Variants in AUH observed in about 807,000 individuals in gnomAD.
AUH encodes the protein methylglutaconyl-CoA hydratase, mitochondrial.
In AUH, 29 loss-of-function variants were observed where a neutral mutation model predicts 42.3. The ratio of observed to expected loss-of-function variants is 0.69; its 90% CI spans 0.51 to 0.93. The LOEUF (loss-of-function observed/expected upper bound fraction) is 0.93. AUH is among the 40% of genes least tolerant of loss of function. The pLI, the probability that AUH is intolerant of heterozygous loss-of-function variation, is 0.00. For synonymous variants in AUH, 174 were observed against 166.4 expected (o/e 1.05, Z -0.35); for missense variants, 452 against 438.1 (o/e 1.03, Z -0.28).
chr9:91,307,645 A>T (rs569781547), intron 4 of AUH, among the ~76,000 whole-genome samples: 1 of 152,348 alleles, frequency 6.6e-6, no homozygotes, highest in South Asian at 2.1e-4. Context: ...CTATATTCAT[A>T]TGACTTTTAT....
chr9:91,256,222 T>C (rs1237843833), intron 6 of AUH, among the ~76,000 whole-genome samples: 1 of 152,212 alleles, frequency 6.6e-6, no homozygotes, highest in Non-Finnish European at 1.5e-5. Flanking sequence ...TAACACTTCA[T>C]GAAATCTGTC....
At chr9:91,245,903 T>C (rs1828767282) in intron 6 of AUH, among the ~76,000 whole-genome samples, 1 of 152,064 alleles carries the variant, frequency 6.6e-6, no homozygotes, top group Admixed American at 6.5e-5. Context: ...CCTTCTTGTC[T>C]AAAGCTGGCA....
chr9:91,346,493 T>G (rs1418075572), intron 3 of AUH, among the ~76,000 whole-genome samples: 1 of 152,162 alleles, frequency 6.6e-6, no homozygotes, highest in Non-Finnish European at 1.5e-5. Context: ...CTCAGTTTTC[T>G]CTTTTATAAT....
intron 6 of AUH, among the ~76,000 whole-genome samples, chr9:91,253,165 A>G (rs1165759026): frequency 2.0e-5 from 3 of 152,236 alleles, no homozygotes; most frequent in African/African-American, 7.2e-5. Flanking sequence ...CTCGGACTAC[A>G]TGACAAATTA....
chr9:91,351,764 C>T (rs1832008135), intron 3 of AUH, among the ~76,000 whole-genome samples: 1 of 152,202 alleles, frequency 6.6e-6, no homozygotes. Context: ...AGGTTGCACG[C>T]TCCTTATGAG....
intron 4 of AUH, among the ~76,000 whole-genome samples, chr9:91,312,246 G>A (rs1042168628): frequency 6.6e-6 from 1 of 152,056 alleles, no homozygotes; most frequent in African/African-American, 2.4e-5. Context: ...AGGAAATCAC[G>A]GTTGCCAAAG....
intron 6 of AUH, among the ~76,000 whole-genome samples, chr9:91,227,577 T>C (rs2131265914): frequency 8.0e-6 from 1 of 124,648 alleles, no homozygotes; most frequent in South Asian, 3.1e-4. Context: ...TGGCCAGAAC[T>C]TCCAACACTA....
At chr9:91,299,435 C>G (rs1288582980) in intron 4 of AUH, among the ~76,000 whole-genome samples, 2 of 152,158 alleles carry the variant, frequency 1.3e-5, no homozygotes, top group Non-Finnish European at 1.5e-5. Flanking sequence ...ATATACACAG[C>G]TGCCGCCTGA....
chr9:91,220,009 C>T (rs958347326), intron 7 of AUH, among the ~76,000 whole-genome samples: 1 of 152,198 alleles, frequency 6.6e-6, no homozygotes, highest in African/African-American at 2.4e-5. Context: ...TATAAAACTT[C>T]AAACTCCACT....
chr9:91,252,821 C>A (rs1390483799), intron 6 of AUH, among the ~76,000 whole-genome samples: 1 of 152,150 alleles, frequency 6.6e-6, no homozygotes, highest in African/African-American at 2.4e-5. Context: ...CATGGAGGTA[C>A]CAAAACAATC....
At chr9:91,319,501 G>A (rs1406575011) in intron 4 of AUH, among the ~76,000 whole-genome samples, 1 of 152,210 alleles carries the variant, frequency 6.6e-6, no homozygotes, top group Non-Finnish European at 1.5e-5. Flanking sequence ...CAACACCAGA[G>A]AAAGGCAGTC....
intron 6 of AUH, among the ~76,000 whole-genome samples, chr9:91,253,985 T>C (rs571895779): frequency 6.6e-6 from 1 of 152,062 alleles, no homozygotes; most frequent in Non-Finnish European, 1.5e-5. Flanking sequence ...AATAATTACA[T>C]TTCCAACTAA....
At chr9:91,223,245 G>A (rs75414146) in intron 6 of AUH, among the ~76,000 whole-genome samples, 3,782 of 152,242 alleles carry the variant, frequency 0.025, 74 homozygotes, top group East Asian at 0.057. Context: ...CACTAACACT[G>A]CATCCAGGAC....
chr9:91,343,633 G>A (rs1182218046), intron 3 of AUH, among the ~76,000 whole-genome samples: 1 of 152,130 alleles, frequency 6.6e-6, no homozygotes, highest in Non-Finnish European at 1.5e-5. Flanking sequence ...GTGTGGTGGT[G>A]CATGCCTGTA....
At chr9:91,217,878 T>TTGTA (rs1249630147) in intron 7 of AUH, among the ~76,000 whole-genome samples, 2 of 152,276 alleles carry the variant, frequency 1.3e-5, no homozygotes, top group Non-Finnish European at 2.9e-5. Flanking sequence ...GAAGTCTACA[T>TTGTA]AAGTCTTTCA....
In AUH at chr9:91,325,533, T is replaced by A. The variant is rs1829910243; in HGVS notation, c.419-129A>T. On this transcript the variant is annotated intron_variant, in intron 3 of 9. Coordinates refer to ENST00000375731, the MANE Select transcript of AUH (RefSeq NM_001698.3). ...TAATTCATCTTTTAATAGAATGACA[T>A]TACCTCAGTTTTCCTTCCCAATGAC... 3 of 751,672 alleles carry A rather than the reference T, an allele frequency of 4.0e-6. No individual in the cohort carries two copies. The South Asian group carries it at 4.4e-5, about 11-fold the overall frequency. The allele number at this position is 751,672 out of a possible 1,614,324, so 46.6% of individuals were successfully genotyped here.
intron 3 of AUH, among the ~76,000 whole-genome samples, chr9:91,351,257 C>G (rs1341985423): frequency 2.0e-5 from 3 of 152,192 alleles, no homozygotes; most frequent in Non-Finnish European, 4.4e-5. Context: ...AGGTGTGAGC[C>G]ACCTGGCCCA....
At position 91,213,925 on chromosome 9, in the gene AUH, A is replaced by C. The variant is rs1165008158; in HGVS notation, c.*423T>G. On this transcript the variant is annotated 3_prime_UTR_variant, in exon 10 of 10. Coordinates refer to ENST00000375731, the MANE Select transcript of AUH (RefSeq NM_001698.3). ...GTATATGTAGCTGTTCGTATGCATT[A>C]ATCACTTAGAAACTTTATTTGGTAT... The C allele has an allele frequency of 6.0e-6, 1 of 165,880 alleles. No individual in the cohort carries two copies. The highest frequency in any genetic ancestry group is 2.4e-5 in the African/African-American group (1 of 41,618). 10.3% of individuals were successfully genotyped at this position (165,880 alleles called of 1,614,324 possible). A position where few individuals can be genotyped will look rare whatever the true frequency, so the allele number is the denominator to read the frequency against.
intron 4 of AUH, among the ~76,000 whole-genome samples, chr9:91,318,597 C>A (rs916467138): frequency 5.3e-5 from 8 of 152,146 alleles, no homozygotes; most frequent in Non-Finnish European, 8.8e-5. Context: ...AATTCTCTCC[C>A]GAGCAGGATA....
Sources: allele counts gnomAD v4.1 joint callset (sites outside exome capture counted in the v4.1 genomes callset), GRCh38; gene constraint gnomAD v4.1.1; transcripts MANE v1.5; gene names NCBI Gene and HGNC (gene_info 2026-07-23, HGNC 2026-07-21).